The following SASS6 variants were observed in gnomAD, a reference collection of about 807,000 sequenced individuals.
SASS6 encodes spindle assembly abnormal protein 6 homolog.
Under a neutral mutation model 94.9 loss-of-function variants are expected in SASS6, and 59 were observed. The ratio of observed to expected loss-of-function variants is 0.62; its 90% CI spans 0.50 to 0.77. The LOEUF (loss-of-function observed/expected upper bound fraction) is 0.77. SASS6 is among the 30% of genes least tolerant of loss of function. The pLI, the probability that SASS6 is intolerant of heterozygous loss-of-function variation, is 0.00. For synonymous variants in SASS6, 264 were observed against 270.0 expected, an observed-to-expected ratio of 0.98 and a Z score of 0.22; for missense variants, 698 against 734.1, an observed-to-expected ratio of 0.95 and a Z score of 0.57.
Position 100,123,245 on chromosome 1 carries a change from T to TA in SASS6, c.170dup (p.Leu57PhefsTer3), listed in dbSNP as rs763290832. Reference sequence around the variant, plus strand: ...CTTCCTCAGATATAACAAGGTTATATAAAAAAAATGGATCCGTGTCATCAG... The same window carrying TA: ...CTTCCTCAGATATAACAAGGTTATATAAAAAAAAATGGATCCGTGTCATCAG... On this transcript the variant is annotated frameshift_variant, in exon 3 of 17. Transcript: ENST00000287482. LOFTEE classifies it high-confidence loss of function. 106 of 1,540,186 alleles carry TA rather than the reference T, an allele frequency of 6.9e-5. No homozygotes were observed. The highest frequency in any genetic ancestry group is 8.9e-5 in the Admixed American group (5 of 55,950).
rs992506744 is a variant in SASS6 at position 100,120,826 on chromosome 1, G to A, written c.484-367C>T. On this transcript the variant is annotated intron_variant, in intron 5 of 16. Coordinates refer to ENST00000287482, the MANE Select transcript of SASS6 (RefSeq NM_194292.3). ...AGCACTTTGGGAGGCCGAGGCGGGC[G>A]GATCACGAGGTCAGGAGATTGAGAC... is the stretch of plus-strand genomic sequence containing the variant. Among the ~76,000 whole-genome samples, 19 of 152,116 alleles carry A rather than the reference G, an allele frequency of 1.2e-4. 1 individual carries two copies. The highest frequency in any genetic ancestry group is 4.1e-4 in the South Asian group (2 of 4,822).
At chr1:100,103,789 T>A (rs1305900604) in intron 13 of SASS6, among the ~76,000 whole-genome samples, 3 of 152,186 alleles carry the variant, frequency 2.0e-5, no homozygotes, top group South Asian at 2.1e-4. Context: ...TCTTTAGACA[T>A]CCCGTACTCT....
intron 14 of SASS6, among the ~76,000 whole-genome samples, 197 bp from the exon 15 acceptor site, chr1:100,088,433 G>A (rs1455823248): frequency 6.6e-6 from 1 of 152,102 alleles, no homozygotes; most frequent in Non-Finnish European, 1.5e-5. Flanking sequence ...TGAGACTACA[G>A]GTACACGCCA....
intron 2 of SASS6, among the ~76,000 whole-genome samples, chr1:100,123,908 C>T (rs1248725638): frequency 6.6e-6 from 1 of 152,152 alleles, no homozygotes; most frequent in Non-Finnish European, 1.5e-5. Flanking sequence ...GCTACGTGTA[C>T]ATAGTGTGGG....
rs190291928 is a variant in SASS6 at position 100,085,275 on chromosome 1, T to C, written c.*53A>G. 40 of 1,125,104 alleles carry C rather than the reference T, an allele frequency of 3.6e-5. No individual in the cohort carries two copies. The highest frequency in any genetic ancestry group is 7.0e-5 in the Admixed American group (4 of 57,448). The allele number at this position is 1,125,104 out of a possible 1,614,324, so 69.7% of individuals were successfully genotyped here. On this transcript the variant is annotated 3_prime_UTR_variant, in exon 17 of 17. Transcript: ENST00000287482. ...GATCTGGTTTGTGTTGACATATTTT[T>C]TAAGCACCTGAGTTTCTAAAATACC...
chr1:100,100,716 A>G (rs1220947916), intron 14 of SASS6, among the ~76,000 whole-genome samples: 2 of 152,258 alleles, frequency 1.3e-5, no homozygotes, highest in East Asian at 1.9e-4. Context: ...CATCAGGAAG[A>G]TCACAGGTTC....
intron 14 of SASS6, among the ~76,000 whole-genome samples, chr1:100,096,804 A>G (rs1227392271): frequency 6.6e-6 from 1 of 152,234 alleles, no homozygotes; most frequent in Non-Finnish European, 1.5e-5. Flanking sequence ...ATTAGGTTTT[A>G]GGGAAATGCA....
rs544758555 is a variant in SASS6 at position 100,084,608 on chromosome 1, C to T, written c.*720G>A. The stretch of plus-strand genomic sequence containing the variant: ...CAGATTTAACTGCATAATAAAACTA[C>T]AAATTGAGAAAAACTAGATGAGTAT... On this transcript the variant is annotated 3_prime_UTR_variant, in exon 17 of 17. Coordinates refer to ENST00000287482, the MANE Select transcript of SASS6 (RefSeq NM_194292.3). 1.3e-5 allele frequency: 2 copies of T among 152,066 alleles called. No individual in the cohort carries two copies. Among genetic ancestry groups the T allele is most frequent in the Non-Finnish European group, 2.9e-5 (2 of 67,928 alleles). The allele number at this position is 152,066 out of a possible 1,614,324, so 9.4% of individuals were successfully genotyped here.
Position 100,111,253 on chromosome 1 carries a change from C to T in SASS6, c.670-770G>A, listed in dbSNP as rs561284698. ...GTACTCTCTTCCACTCGTTTATATA[C>T]TTATATTGACATCCACATAAACACA... On this transcript the variant is annotated intron_variant, in intron 7 of 16. Transcript: ENST00000287482. Among the ~76,000 whole-genome samples the T allele has an allele frequency of 5.3e-5, 8 of 152,098 alleles. No individual in the cohort carries two copies. The East Asian group carries it at 1.2e-3, about 22-fold the overall frequency.
At position 100,095,023 on chromosome 1, in the gene SASS6, A is replaced by T. The variant is rs148330646; in HGVS notation, c.1675-6787T>A. Reference sequence around the variant, plus strand: ...TGTTAACTGATAAAAGATAAGCCACATGACCATATCAATTGAAAAAGCATT... The same window carrying T: ...TGTTAACTGATAAAAGATAAGCCACTTGACCATATCAATTGAAAAAGCATT... On this transcript the variant is annotated intron_variant, in intron 14 of 16. Coordinates refer to ENST00000287482, the MANE Select transcript of SASS6 (RefSeq NM_194292.3). Among the ~76,000 whole-genome samples the T allele has an allele frequency of 6.1e-4, 93 of 152,350 alleles. No individual in the cohort carries two copies. The East Asian group carries it at 6.2e-3, about 10-fold the overall frequency.
intron 1 of SASS6, among the ~76,000 whole-genome samples, chr1:100,129,353 G>A (rs1654848149): frequency 1.3e-5 from 2 of 152,052 alleles, no homozygotes; most frequent in African/African-American, 2.4e-5. Flanking sequence ...TGCTAGATTT[G>A]CTTCTGATTG....
At chr1:100,088,373 C>A in intron 14 of SASS6, 137 bp from the exon 15 acceptor site, 1 of 523,544 alleles carries the variant, frequency 1.9e-6, no homozygotes, top group Admixed American at 3.0e-5. Flanking sequence ...TCACTGCAGT[C>A]CCAATCTCCT....
intron 7 of SASS6, among the ~76,000 whole-genome samples, chr1:100,115,254 C>A (rs1418987132): frequency 2.6e-5 from 4 of 151,990 alleles, no homozygotes; most frequent in Admixed American, 2.6e-4. Flanking sequence ...TACTGATAAA[C>A]AATTATAAAT....
chr1:100,093,074 T>A (rs1366229807), intron 14 of SASS6, among the ~76,000 whole-genome samples: 1 of 152,048 alleles, frequency 6.6e-6, no homozygotes, highest in Non-Finnish European at 1.5e-5. Context: ...ACGAAAAGTA[T>A]GTATATTATA....
chr1:100,113,011 C>T (rs1240033432), intron 7 of SASS6, among the ~76,000 whole-genome samples: 1 of 152,146 alleles, frequency 6.6e-6, no homozygotes, highest in Non-Finnish European at 1.5e-5. Context: ...TCAGAAAGTG[C>T]AATACAGAAA....
rs1226666551 is a variant in SASS6, at chr1:100,132,902, T to C, written c.-88A>G. On this transcript the variant is annotated 5_prime_UTR_variant, in exon 1 of 17. Coordinates refer to ENST00000287482, the MANE Select transcript of SASS6 (RefSeq NM_194292.3). ...CTGAGAGGTCCGGGTCCTGATAAAG[T>C]TTGAGTTTGGCGCTCGGCTTCTGCG... The C allele has an allele frequency of 3.1e-6, 4 of 1,311,062 alleles. No homozygotes were observed. The highest frequency in any genetic ancestry group is 4.4e-6 in the Non-Finnish European group (4 of 918,622). 81.2% of individuals were successfully genotyped at this position (1,311,062 alleles called of 1,614,324 possible).
Position 100,084,445 on chromosome 1 carries a change from T to G in SASS6, c.*883A>C, listed in dbSNP as rs1651081252. 1 of 152,074 alleles carries G rather than the reference T, an allele frequency of 6.6e-6. No homozygotes were observed. 9.4% of individuals were successfully genotyped at this position (152,074 alleles called of 1,614,324 possible). On this transcript the variant is annotated 3_prime_UTR_variant, in exon 17 of 17. Coordinates refer to ENST00000287482, the MANE Select transcript of SASS6 (RefSeq NM_194292.3). ...TCAGTTACAGGGAAGAGAAGAAAAT[T>G]GTACCTTCTAACAGTTATTTGTTTT...
chr1:100,125,589 G>C lies in SASS6; in HGVS notation c.126+293C>G, dbSNP rs1476628451. Among the ~76,000 whole-genome samples, 3 of 143,848 alleles carry C rather than the reference G, an allele frequency of 2.1e-5. No individual in the cohort carries two copies. The East Asian group carries it at 6.2e-4, about 30-fold the overall frequency. The allele number at this position is 143,848 out of a possible 152,430, so 94.4% of individuals were successfully genotyped here. A position where few individuals can be genotyped will look rare whatever the true frequency, so the allele number is the denominator to read the frequency against. ...AGCTACTTGGGAGGCTGAGGCAGGA[G>C]AATTGTTTGAACCCGGGAGGTGAGT... is the stretch of plus-strand genomic sequence containing the variant. On this transcript the variant is annotated intron_variant, in intron 2 of 16. Coordinates refer to ENST00000287482, the MANE Select transcript of SASS6 (RefSeq NM_194292.3).
intron 14 of SASS6, among the ~76,000 whole-genome samples, chr1:100,088,622 A>G (rs1651470548): frequency 1.3e-5 from 2 of 151,500 alleles, no homozygotes. Context: ...GGGTGGTTAA[A>G]TTTGTTTTCT....
Sources: gnomAD v4.1 joint callset for allele counts (sites outside exome capture counted in the v4.1 genomes callset) on GRCh38, gnomAD v4.1.1 for gene constraint, MANE v1.5 for transcripts, NCBI Gene and HGNC (gene_info 2026-07-23, HGNC 2026-07-21) for gene names.